The following UBXN1 variants were observed in gnomAD, a reference collection of about 807,000 sequenced individuals.
UBXN1 encodes UBX domain protein 1, also known as UBX domain-containing protein 1.
Under a neutral mutation model 42.0 loss-of-function variants are expected in UBXN1, and 21 were observed. That is an observed-to-expected ratio of 0.50 (90% CI 0.35 to 0.72). The LOEUF is 0.72. Among genes scored for constraint, UBXN1 ranks in the 30% least tolerant of loss-of-function variants. UBXN1 has a pLI of 0.00. For synonymous variants in UBXN1, 172 were observed against 142.6 expected (o/e 1.21, Z -1.47); for missense variants, 374 against 382.2 (o/e 0.98, Z 0.18).
In UBXN1 at chr11:62,677,586, C is replaced by G; in HGVS notation, c.583G>C (p.Gly195Arg). 6.2e-7 allele frequency: 1 copy of G among 1,613,908 alleles called. No homozygotes were observed. Among genetic ancestry groups the G allele is most frequent in the Non-Finnish European group, 8.5e-7 (1 of 1,179,894 alleles). The change falls in exon 7 of 9, where the codon GGT (glycine) becomes CGT (arginine). Residue 195 changes from glycine to arginine, a missense_variant. Physicochemically the swap from Gly to Arg is moderately radical, Grantham distance 125. Coordinates refer to ENST00000301935, the MANE Select transcript of UBXN1 (RefSeq NM_001286077.2). ...TGGCTGGGAGAAGAGGGAACAGGACCTGGCTCTGGTGCCACTGGGGGTGGC... is the reference window on the plus strand; with the variant it reads ...TGGCTGGGAGAAGAGGGAACAGGACGTGGCTCTGGTGCCACTGGGGGTGGC... ...SQPPPVAPEP[G>R]PVPSSPSQEP...
rs1188585836 is a variant in UBXN1, at chr11:62,678,075, T to C, written c.334A>G (p.Arg112Gly). 2 of 1,614,150 alleles carry C rather than the reference T, an allele frequency of 1.2e-6. No individual in the cohort carries two copies. The highest frequency in any genetic ancestry group is 1.7e-5 in the Admixed American group (1 of 60,004). Reference sequence around the variant, plus strand: ...CGTTCCAATGCCTCCCGTTCCTCTCTTTCTTCACGCTCCCGCTGCTTCTGG... The same window carrying C: ...CGTTCCAATGCCTCCCGTTCCTCTCCTTCTTCACGCTCCCGCTGCTTCTGG... ...VAQKQREREE[R>G]EEREALERER... Residue 112 changes from arginine (R) to glycine (G), a missense_variant, in exon 5 of 9, where the codon AGA (arginine) becomes GGA (glycine). Transcript: ENST00000301935.
Position 62,678,554 on chromosome 11 carries a change from G to C in UBXN1, c.161C>G (p.Thr54Ser). Reference protein sequence around the residue: ...DDPDVDEPLETPLGHILGREP... With the variant: ...DDPDVDEPLESPLGHILGREP... ...CCGTCCCAGGATATGTCCAAGGGGA[G>C]TCTCTAAAGGCTCGTCCACATCGGG... The change falls in exon 3 of 9, where the codon ACT becomes AGT. Residue 54 changes from threonine (T) to serine (S), a missense_variant. Coordinates refer to ENST00000301935, the MANE Select transcript of UBXN1 (RefSeq NM_001286077.2). 6.2e-7 allele frequency: 1 copy of C among 1,611,798 alleles called. No individual in the cohort carries two copies. The highest frequency in any genetic ancestry group is 2.2e-5 in the East Asian group (1 of 44,842).
chr11:62,678,079 T>C lies in UBXN1; in HGVS notation c.330A>G (p.Glu110=), dbSNP rs746421173. ...ELVAQKQRER[E]EREEREALER... ...CCAATGCCTCCCGTTCCTCTCTTTC[T>C]TCACGCTCCCGCTGCTTCTGGGCCA... Residue 110 remains glutamate, a synonymous_variant, in exon 5 of 9, where the codon GAA becomes GAG. Transcript: ENST00000301935. 3.1e-6 allele frequency: 5 copies of C among 1,614,052 alleles called. No homozygotes were observed. Among genetic ancestry groups the C allele is most frequent in the African/African-American group, 2.7e-5 (2 of 74,944 alleles).
chr11:62,678,264 A>C, intron 4 of UBXN1, 75 bp downstream of exon 4: 2 of 1,610,536 alleles, frequency 1.2e-6, no homozygotes, highest in Non-Finnish European at 1.7e-6. Flanking sequence ...GGAAAGGTCA[A>C]GGTTCTTTGA....
At chr11:62,678,778 G>A (rs1471250263) in intron 1 of UBXN1, 35 bp from the exon 2 acceptor site, 10 of 1,612,886 alleles carry the variant, frequency 6.2e-6, no homozygotes, top group Non-Finnish European at 7.6e-6. Context: ...GCGCCCACGA[G>A]CCATGGTGAC....
In UBXN1 at chr11:62,676,563, C is replaced by T. The variant is rs539760813; in HGVS notation, c.*27G>A. ...AGTGCTTTATCAAAGATGAAGGGGT[C>T]ACAGAGGGACAATGGGACAAAGGCC... On this transcript the variant is annotated 3_prime_UTR_variant, in exon 9 of 9. Transcript: ENST00000301935. The T allele has an allele frequency of 7.9e-4, 1,247 of 1,571,446 alleles. 20 individuals carry two copies. The South Asian group carries it at 0.013, about 17-fold the overall frequency.
chr11:62,677,894 T>G (rs752973688), intron 5 of UBXN1, 33 bp downstream of exon 5: 2 of 1,614,162 alleles, frequency 1.2e-6, no homozygotes, highest in Non-Finnish European at 1.7e-6. Flanking sequence ...GATTTCTTTC[T>G]CATCTGCTAT....
chr11:62,677,377 G>A (rs562118595), intron 7 of UBXN1, 141 bp downstream of exon 7: 7 of 864,104 alleles, frequency 8.1e-6, no homozygotes, highest in Non-Finnish European at 1.3e-5. Flanking sequence ...TTTCCCAAGA[G>A]TAGAGATAGG....
At chr11:62,678,196 G>T in intron 4 of UBXN1, 78 bp from the exon 5 acceptor site, 1 of 1,602,226 alleles carries the variant, frequency 6.2e-7, no homozygotes, top group Non-Finnish European at 8.5e-7. Flanking sequence ...ACAAAATTAG[G>T]CGACATATAT....
rs530556381 is a variant in UBXN1 at position 62,679,065 on chromosome 11, G to A, written c.-142C>T. ...CGGCTCTATAGCAGCCGGGAACACC[G>A]ACGAGAAGAAAGCCGAGGGGAAGCG... is the stretch of plus-strand genomic sequence containing the variant. On this transcript the variant is annotated 5_prime_UTR_variant, in exon 1 of 9. Transcript: ENST00000301935. The A allele has an allele frequency of 3.9e-5, 35 of 908,526 alleles. No individual in the cohort carries two copies. The highest frequency in any genetic ancestry group is 6.7e-5 in the African/African-American group (4 of 59,718). The allele number at this position is 908,526 out of a possible 1,614,324, so 56.3% of individuals were successfully genotyped here.
chr11:62,678,299 G>T (rs756075011), intron 4 of UBXN1, 40 bp downstream of exon 4: 3 of 1,613,414 alleles, frequency 1.9e-6, no homozygotes, highest in Non-Finnish European at 2.5e-6. Context: ...GGGAGAGATG[G>T]AAGACGACCC....
intron 3 of UBXN1, 24 bp from the exon 4 acceptor site, chr11:62,678,432 T>C (rs926118532): frequency 1.9e-6 from 3 of 1,613,998 alleles, no homozygotes; most frequent in African/African-American, 1.3e-5. Context: ...ATCGGTATTA[T>C]TATCCCTTCA....
At chr11:62,677,750 C>G in intron 6 of UBXN1, 31 bp downstream of exon 6, 2 of 1,614,236 alleles carry the variant, frequency 1.2e-6, no homozygotes, top group South Asian at 1.1e-5. Context: ...CTGCCCACTC[C>G]ATTACCCGTG....
intron 7 of UBXN1, 28 bp downstream of exon 7, chr11:62,677,490 A>G (rs778824385): frequency 5.0e-6 from 8 of 1,611,402 alleles, no homozygotes; most frequent in Non-Finnish European, 6.8e-6. Context: ...AGGGGTCCCA[A>G]GAGGAAGATA....
chr11:62,678,878 G>C lies in UBXN1; in HGVS notation c.46C>G (p.Pro16Ala). Residue 16 changes from proline (P) to alanine (A), a missense_variant, in exon 1 of 9, where the codon CCC becomes GCC. Physicochemically the swap from Pro to Ala is conservative, Grantham distance 27 (BLOSUM62 -1). Coordinates refer to ENST00000301935, the MANE Select transcript of UBXN1 (RefSeq NM_001286077.2). Reference sequence around the variant, plus strand: ...GAACTCCCTTACGCGCGTCCCCTGGGGAAGCCCATCTCGATGAGACTCTCA... The same window carrying C: ...GAACTCCCTTACGCGCGTCCCCTGGCGAAGCCCATCTCGATGAGACTCTCA... ...ALESLIEMGFPRGRAEKALAL... is the reference protein window; with the variant it reads ...ALESLIEMGFARGRAEKALAL... The C allele has an allele frequency of 6.2e-7, 1 of 1,604,332 alleles. No individual in the cohort carries two copies.
chr11:62,677,604 G>A lies in UBXN1; in HGVS notation c.565C>T (p.Pro189Ser), dbSNP rs1210094688. The A allele has an allele frequency of 3.7e-6, 6 of 1,613,218 alleles. No homozygotes were observed. The highest frequency in any genetic ancestry group is 1.1e-5 in the South Asian group (1 of 90,966). Residue 189 changes from proline (P) to serine (S), a missense_variant, in exon 7 of 9, where the codon CCA (proline) becomes TCA (serine). Physicochemically the swap from Pro to Ser is moderately conservative, Grantham distance 74 (BLOSUM62 -1). Coordinates refer to ENST00000301935, the MANE Select transcript of UBXN1 (RefSeq NM_001286077.2). ...YGGSVGSQPP[P>S]VAPEPGPVPS... ...ACAGGACCTGGCTCTGGTGCCACTG[G>A]GGGTGGCTGAGAGCCCACACTGCCA...
chr11:62,678,327 T>C lies in UBXN1; in HGVS notation c.290+12A>G. 1 of 1,614,152 alleles carries C rather than the reference T, an allele frequency of 6.2e-7. No individual in the cohort carries two copies. The highest frequency in any genetic ancestry group is 8.5e-7 in the Non-Finnish European group (1 of 1,180,022). On this transcript the variant is annotated intron_variant, in intron 4 of 8. Coordinates refer to ENST00000301935, the MANE Select transcript of UBXN1 (RefSeq NM_001286077.2). ...GACGACCCTCAGACACGTGAGATTGTTGTTACTGTACCTCTTAGTTTGTTC... is the reference window on the plus strand; with the variant it reads ...GACGACCCTCAGACACGTGAGATTGCTGTTACTGTACCTCTTAGTTTGTTC...
At chr11:62,677,758 G>C (rs755339116) in intron 6 of UBXN1, 23 bp downstream of exon 6, 1 of 1,614,050 alleles carries the variant, frequency 6.2e-7, no homozygotes, top group African/African-American at 1.3e-5. Context: ...TCCATTACCC[G>C]TGGCGTCTTC....
chr11:62,677,513 A>G lies in UBXN1; in HGVS notation c.651+5T>C, dbSNP rs371535294. On this transcript the variant is annotated splice_donor_5th_base_variant and intron_variant, in intron 7 of 8. Coordinates refer to ENST00000301935, the MANE Select transcript of UBXN1 (RefSeq NM_001286077.2). ...CAAGAGGAAGATAAGAATTAGAATC[A>G]GTACCTGTATGCGACACTGGTCATA... 355 of 1,613,862 alleles carry G rather than the reference A, an allele frequency of 2.2e-4. No homozygotes were observed. Among genetic ancestry groups the G allele is most frequent in the Non-Finnish European group, 2.7e-4 (313 of 1,179,836 alleles).
Sources: allele counts gnomAD v4.1 joint callset, GRCh38; gene constraint gnomAD v4.1.1; transcripts MANE v1.5; gene names NCBI Gene and HGNC (gene_info 2026-07-23, HGNC 2026-07-21).